AGMO: variants seen among roughly 807,000 people sequenced by gnomAD.
The protein encoded by AGMO is alkylglycerol monooxygenase.
In AGMO, 75 loss-of-function variants were observed where a neutral mutation model predicts 60.2. The observed-to-expected ratio is 1.25, with a 90% CI of 1.03 to 1.51. The LOEUF (loss-of-function observed/expected upper bound fraction) is 1.51. Among genes scored for constraint, AGMO ranks in the 40% most tolerant of loss-of-function variants. AGMO has a pLI of 0.00. For synonymous variants in AGMO, 261 were observed against 177.1 expected (o/e 1.47, Z -3.76); for missense variants, 763 against 525.5 (o/e 1.45, Z -4.42).
intron 5 of AGMO, among the ~76,000 whole-genome samples, chr7:15,395,055 G>A (rs1784315074): frequency 6.6e-6 from 1 of 152,040 alleles, no homozygotes; most frequent in African/African-American, 2.4e-5. Context: ...AATAATACTG[G>A]ACAATTTGAG....
At chr7:15,233,974 G>C (rs759820720) in intron 12 of AGMO, among the ~76,000 whole-genome samples, 3 of 152,166 alleles carry the variant, frequency 2.0e-5, no homozygotes, top group Non-Finnish European at 4.4e-5. Context: ...TTGAACCTCG[G>C]AGGTGGAGGT....
At chr7:15,289,927 C>T (rs1736341559) in intron 12 of AGMO, among the ~76,000 whole-genome samples, 3 of 114,892 alleles carry the variant, frequency 2.6e-5, no homozygotes, top group Admixed American at 9.4e-5. Flanking sequence ...CCAAGAGTAT[C>T]ATTTATTCCA....
intron 3 of AGMO, among the ~76,000 whole-genome samples, chr7:15,486,938 T>C (rs972924447): frequency 3.9e-5 from 6 of 152,226 alleles, no homozygotes; most frequent in African/African-American, 1.4e-4. Flanking sequence ...TGTCTTTCTT[T>C]GGCTGTCCCA....
chr7:15,379,952 T>C (rs117923500), intron 10 of AGMO, among the ~76,000 whole-genome samples: 1 of 152,156 alleles, frequency 6.6e-6, no homozygotes, highest in East Asian at 1.9e-4. Context: ...CTTTCTTTAA[T>C]TCGACACCCT....
At chr7:15,429,217 T>G (rs1412203819) in intron 4 of AGMO, among the ~76,000 whole-genome samples, 1 of 152,066 alleles carries the variant, frequency 6.6e-6, no homozygotes, top group African/African-American at 2.4e-5. Context: ...AATTCACATG[T>G]TGAAATCTGA....
intron 12 of AGMO, among the ~76,000 whole-genome samples, chr7:15,234,070 A>C (rs1782343396): frequency 6.6e-6 from 1 of 151,910 alleles, no homozygotes; most frequent in African/African-American, 2.4e-5. Flanking sequence ...ACAATAACAA[A>C]AAATATTAGA....
At chr7:15,194,705 G>A in the AGMO span, among the ~76,000 whole-genome samples, 1 of 152,120 alleles carries the variant, frequency 6.6e-6, no homozygotes, top group African/African-American at 2.4e-5. Context: ...ACTAAATATG[G>A]AGTTATTAAT....
At chr7:15,478,768 T>A (rs913723700) in intron 3 of AGMO, among the ~76,000 whole-genome samples, 1 of 152,214 alleles carries the variant, frequency 6.6e-6, no homozygotes, top group African/African-American at 2.4e-5. Context: ...TCAGGTCAGA[T>A]AAGATCTTAA....
chr7:15,213,600 C>T (rs181823755), intron 12 of AGMO, among the ~76,000 whole-genome samples: 3 of 151,766 alleles, frequency 2.0e-5, no homozygotes, highest in Admixed American at 2.0e-4. Context: ...AAGCATCCTC[C>T]ACACATTTGA....
chr7:15,522,010 C>A (rs961588935), intron 3 of AGMO, among the ~76,000 whole-genome samples: 3 of 152,084 alleles, frequency 2.0e-5, no homozygotes, highest in African/African-American at 4.8e-5. Flanking sequence ...TCTCAGGATG[C>A]AAAATCAATG....
At chr7:15,463,460 CAT>C (rs1782198274) in intron 3 of AGMO, among the ~76,000 whole-genome samples, 1 of 152,204 alleles carries the variant, frequency 6.6e-6, no homozygotes, top group African/African-American at 2.4e-5. Context: ...GACACACACA[CAT>C]GTGCACGTAC....
At chr7:15,385,903 AG>A (rs781629827) in intron 9 of AGMO, among the ~76,000 whole-genome samples, 4 of 152,144 alleles carry the variant, frequency 2.6e-5, no homozygotes, top group African/African-American at 4.8e-5. Flanking sequence ...AGAAGGTGCC[AG>A]ATGTGGTGAC....
intron 6 of AGMO, among the ~76,000 whole-genome samples, chr7:15,392,400 AG>A (rs1784181136): frequency 6.6e-6 from 1 of 152,082 alleles, no homozygotes; most frequent in Non-Finnish European, 1.5e-5. Flanking sequence ...AGGAACTGCA[AG>A]TGTATAATCC....
At chr7:15,403,354 A>G (rs2128490292) in intron 5 of AGMO, among the ~76,000 whole-genome samples, 1 of 152,106 alleles carries the variant, frequency 6.6e-6, no homozygotes, top group African/African-American at 2.4e-5. Context: ...CTGATTATAC[A>G]GAAATTGAAA....
intron 12 of AGMO, among the ~76,000 whole-genome samples, chr7:15,357,278 T>C (rs1782575586): frequency 6.6e-6 from 1 of 150,780 alleles, no homozygotes; most frequent in African/African-American, 2.4e-5. Flanking sequence ...ATACTTACCA[T>C]GAAACATTGT....
intron 3 of AGMO, among the ~76,000 whole-genome samples, chr7:15,504,795 G>C (rs1025778668): frequency 1.3e-5 from 2 of 150,892 alleles, no homozygotes; most frequent in African/African-American, 4.9e-5. Context: ...AAAAAAAAGG[G>C]TTAAGGGAAA....
rs571905361 is a variant in AGMO at position 15,489,555 on chromosome 7, G to A, written c.409+55217C>T. ...GATTTATGGAGCTCCCACTAACAGGGTCAACCTTGTTTTATCACCAGAGGC... is the reference window on the plus strand; with the variant it reads ...GATTTATGGAGCTCCCACTAACAGGATCAACCTTGTTTTATCACCAGAGGC... On this transcript the variant is annotated intron_variant, in intron 3 of 12. Transcript: ENST00000342526. Among the ~76,000 whole-genome samples, 115 of 152,246 alleles carry A rather than the reference G, an allele frequency of 7.6e-4. No individual in the cohort carries two copies. In the Middle Eastern group the frequency reaches 0.02, roughly 27 times the overall value.
Position 15,323,111 on chromosome 7 carries a change from A to G in AGMO, c.1263+42403T>C, listed in dbSNP as rs78427639. Among the ~76,000 whole-genome samples, 1,423 of 152,014 alleles carry G rather than the reference A, an allele frequency of 9.4e-3. 20 individuals are homozygous for G. The highest frequency in any genetic ancestry group is 0.032 in the African/African-American group (1,334 of 41,488). On this transcript the variant is annotated intron_variant, in intron 12 of 12. Transcript: ENST00000342526. Reference sequence around the variant, plus strand: ...AATGTTTAAATAAGCCTAGTTAAAGATCAGTGCAATCCTTGGAGTAATAAG... The same window carrying G: ...AATGTTTAAATAAGCCTAGTTAAAGGTCAGTGCAATCCTTGGAGTAATAAG...
At chr7:15,385,398 A>C (rs964433442) in intron 10 of AGMO, 48 bp downstream of exon 10, 4 of 1,245,428 alleles carry the variant, frequency 3.2e-6, no homozygotes, top group Non-Finnish European at 3.5e-6. Context: ...ATTTTCAAAC[A>C]AAGTAACAGA....
Sources: gnomAD v4.1 joint callset for allele counts (sites outside exome capture counted in the v4.1 genomes callset) on GRCh38, gnomAD v4.1.1 for gene constraint, MANE v1.5 for transcripts, NCBI Gene and HGNC (gene_info 2026-07-23, HGNC 2026-07-21) for gene names.